The following DMD variants were observed in gnomAD, a reference collection of about 807,000 sequenced individuals.
DMD encodes mutant dystrophin.
A neutral mutation model predicts 330.1 loss-of-function variants in DMD; 63 were observed. The observed-to-expected ratio is 0.19, with a 90% confidence interval of 0.16 to 0.24. The LOEUF (loss-of-function observed/expected upper bound fraction) is 0.24, where lower values mean the gene tolerates loss of function less well. DMD is among the 10% of genes least tolerant of loss of function. The pLI is 1.00. For synonymous variants in DMD, 1,223 were observed against 959.8 expected (o/e 1.27, Z -5.07); for missense variants, 3,344 against 2,684.1 (o/e 1.25, Z -5.43).
At chrX:32,665,501 T>A (rs996431096) in intron 9 of DMD, among the ~76,000 whole-genome samples, 1 of 112,421 alleles carries the variant, frequency 8.9e-6, no homozygotes, top group Non-Finnish European at 1.9e-5. Flanking sequence ...CAATGTCTTA[T>A]GTATTCAATT....
intron 21 of DMD, among the ~76,000 whole-genome samples, chrX:32,480,153 G>C (rs771271332): frequency 8.1e-5 from 9 of 111,653 alleles, no homozygotes; most frequent in African/African-American, 2.3e-4. Flanking sequence ...ACAGATATGT[G>C]AAAAAATGCT....
chrX:31,938,081 T>TAAC (rs200347685), intron 45 of DMD, among the ~76,000 whole-genome samples: 3,237 of 111,525 alleles, frequency 0.029, 55 homozygotes, highest in Non-Finnish European at 0.04. Context: ...AATTTAACAT[T>TAAC]AACTCTTAAT....
intron 44 of DMD, among the ~76,000 whole-genome samples, chrX:32,199,828 ATT>A (rs1454630083): frequency 7.7e-4 from 41 of 53,121 alleles, no homozygotes; most frequent in African/African-American, 2.9e-3. Context: ...GTGTGTGTGT[ATT>A]TTTAGTAGAG....
chrX:32,557,850 T>C (rs2050487971), intron 16 of DMD, among the ~76,000 whole-genome samples: 1 of 111,133 alleles, frequency 9.0e-6, no homozygotes, highest in Non-Finnish European at 1.9e-5. Flanking sequence ...TAGCTGAATG[T>C]AGCATACAAT....
intron 60 of DMD, among the ~76,000 whole-genome samples, chrX:31,437,335 A>G (rs1314367423): frequency 9.0e-6 from 1 of 111,730 alleles, no homozygotes; most frequent in Admixed American, 9.6e-5. Flanking sequence ...GTAAAACTCT[A>G]TCATCTGTAG....
Position 31,531,648 on chromosome X carries a change from T to A in DMD, c.8218-24195A>T, listed in dbSNP as rs1296208097. Among the ~76,000 whole-genome samples, 3 of 106,525 alleles carry A rather than the reference T, an allele frequency of 2.8e-5. No homozygotes were observed. In the East Asian group the frequency reaches 8.8e-4, roughly 31 times the overall value. The allele number at this position is 106,525 out of a possible 115,157, so 92.5% of individuals were successfully genotyped here. The stretch of plus-strand genomic sequence containing the variant: ...GGTTGCCTGTTCACTCTGATGGTAG[T>A]TTCTTTTGCTGTGCAGAAGCTCTTG... On this transcript the variant is annotated intron_variant, in intron 55 of 78. Transcript: ENST00000357033.
At position 32,931,875 on chromosome X, in the gene DMD, G is replaced by C. The variant is rs185985407; in HGVS notation, c.94-82055C>G. The stretch of plus-strand genomic sequence containing the variant: ...CTCCAATATCTACTGTGTCAAAGCA[G>C]ATTGAGTATATAAAGGAAATGGGTT... On this transcript the variant is annotated intron_variant, in intron 2 of 78. Transcript: ENST00000357033. Among the ~76,000 whole-genome samples, 792 of 111,728 alleles carry C rather than the reference G, an allele frequency of 7.1e-3. 3 individuals are homozygous for C. The highest frequency in any genetic ancestry group is 0.012 in the Non-Finnish European group (646 of 53,081).
intron 41 of DMD, among the ~76,000 whole-genome samples, chrX:32,337,014 G>A (rs1199379890): frequency 1.8e-5 from 2 of 111,147 alleles, no homozygotes; most frequent in African/African-American, 6.5e-5. Flanking sequence ...CTCCTTAGAA[G>A]GAGCTCTCTG....
chrX:32,383,184 CAAG>C (rs921697734), intron 33 of DMD, among the ~76,000 whole-genome samples: 12 of 110,548 alleles, frequency 1.1e-4, no homozygotes, highest in African/African-American at 3.9e-4. Flanking sequence ...AAAGGTAAGA[CAAG>C]AAGAAAGCTC....
At chrX:33,132,391 A>G (rs1381727900) in intron 1 of DMD, among the ~76,000 whole-genome samples, 1 of 111,587 alleles carries the variant, frequency 9.0e-6, no homozygotes, top group Non-Finnish European at 1.9e-5. Context: ...GTGCTTGAGT[A>G]TCATACCCAC....
intron 59 of DMD, among the ~76,000 whole-genome samples, chrX:31,446,228 G>T (rs1158018200): frequency 8.9e-6 from 1 of 112,220 alleles, no homozygotes; most frequent in Non-Finnish European, 1.9e-5. Context: ...AAAACATTGT[G>T]ATAATCACTC....
At chrX:33,145,738 C>T (rs939757130) in intron 1 of DMD, among the ~76,000 whole-genome samples, 6 of 108,511 alleles carry the variant, frequency 5.5e-5, no homozygotes, top group Non-Finnish European at 9.5e-5. Flanking sequence ...TGAAATATAC[C>T]GGTCTCTCAT....
chrX:32,456,985 G>A (rs1455706551), intron 25 of DMD, among the ~76,000 whole-genome samples: 1 of 102,208 alleles, frequency 9.8e-6, no homozygotes, highest in African/African-American at 3.5e-5. Flanking sequence ...AAAACTTACA[G>A]CAGGAACAAC....
chrX:32,776,446 T>A (rs748945865), intron 7 of DMD, among the ~76,000 whole-genome samples: 1 of 110,635 alleles, frequency 9.0e-6, no homozygotes, highest in East Asian at 2.8e-4. Flanking sequence ...AATTTATAAG[T>A]AAAAGAGGAT....
At chrX:31,725,726 C>T (rs757288816) in intron 52 of DMD, among the ~76,000 whole-genome samples, 1 of 111,563 alleles carries the variant, frequency 9.0e-6, no homozygotes, top group South Asian at 3.8e-4. Context: ...TGTATAGCCC[C>T]GAAATGGTAG....
At chrX:32,220,729 T>A (rs1216296424) in intron 43 of DMD, among the ~76,000 whole-genome samples, 1 of 111,180 alleles carries the variant, frequency 9.0e-6, no homozygotes, top group Non-Finnish European at 1.9e-5. Context: ...TAAATTTGTC[T>A]CGCTCCATTA....
chrX:31,222,915 G>A, intron 64 of DMD, 132 bp downstream of exon 64: 4 of 568,815 alleles, frequency 7.0e-6, no homozygotes, highest in Non-Finnish European at 1.2e-5. Flanking sequence ...ATACATTAAA[G>A]AATGAATTAT....
chrX:32,520,720 T>A (rs228335), intron 17 of DMD, among the ~76,000 whole-genome samples: 32,820 of 110,985 alleles, frequency 0.3, 4,215 homozygotes, highest in African/African-American at 0.5. Context: ...CCCTACTTTG[T>A]TTCCTGGGAT....
chrX:31,817,819 A>C (rs2092670156), intron 50 of DMD, among the ~76,000 whole-genome samples: 1 of 111,723 alleles, frequency 9.0e-6, no homozygotes, highest in Non-Finnish European at 1.9e-5. Context: ...CTCTAGTCTC[A>C]CTGATCTCCT....
Sources: gnomAD v4.1 joint callset for allele counts (sites outside exome capture counted in the v4.1 genomes callset) on GRCh38, gnomAD v4.1.1 for gene constraint, MANE v1.5 for transcripts, NCBI Gene and HGNC (gene_info 2026-07-23, HGNC 2026-07-21) for gene names.